STK32A: variants seen among roughly 807,000 people sequenced by gnomAD.
STK32A encodes the protein serine/threonine-protein kinase 32A.
In STK32A, 41 loss-of-function variants were observed where a neutral mutation model predicts 53.2. The ratio of observed to expected loss-of-function variants is 0.77; its 90% CI spans 0.60 to 1.00. STK32A has a LOEUF of 1.00. STK32A is among the 50% of genes least tolerant of loss of function. The pLI is 0.00. For missense variants in STK32A, 458 were observed against 485.8 expected, an observed-to-expected ratio of 0.94 and a Z score of 0.54; for synonymous variants, 166 against 162.8, an observed-to-expected ratio of 1.02 and a Z score of -0.15.
At chr5:147,273,902 T>C (rs1247855987) in intron 2 of STK32A, among the ~76,000 whole-genome samples, 1 of 152,032 alleles carries the variant, frequency 6.6e-6, no homozygotes, top group Non-Finnish European at 1.5e-5. Flanking sequence ...CTCAACTGTA[T>C]ACACTATAAG....
At chr5:147,358,570 T>C (rs1202563997) in intron 7 of STK32A, among the ~76,000 whole-genome samples, 1 of 152,156 alleles carries the variant, frequency 6.6e-6, no homozygotes, top group East Asian at 1.9e-4. Context: ...AATTACAGTA[T>C]ATTCATATAG....
At chr5:147,395,628 C>G in the STK32A span, 1 of 1,614,122 alleles carries the variant, frequency 6.2e-7, no homozygotes, top group Non-Finnish European at 8.5e-7. Context: ...GAGCCCCGAG[C>G]AGAGCCTGCG....
chr5:147,350,101 C>T (rs1229052845), intron 6 of STK32A, among the ~76,000 whole-genome samples: 2 of 150,808 alleles, frequency 1.3e-5, no homozygotes, highest in Non-Finnish European at 3.0e-5. Context: ...CAGAGTGAGA[C>T]TCCACTTCAA....
At chr5:147,395,742 G>A in the STK32A span, 1 of 1,612,508 alleles carries the variant, frequency 6.2e-7, no homozygotes, top group Non-Finnish European at 8.5e-7. Context: ...AGAAGAGCAT[G>A]TCACCATTCA....
At chr5:147,356,337 G>A (rs926208157) in intron 7 of STK32A, among the ~76,000 whole-genome samples, 14 of 152,226 alleles carry the variant, frequency 9.2e-5, no homozygotes, top group Non-Finnish European at 1.8e-4. Context: ...AGTTCTGTGA[G>A]GCCACTACTA....
At chr5:147,279,435 C>CCTGTTAT in intron 4 of STK32A, 37 bp downstream of exon 4, 1 of 1,538,780 alleles carries the variant, frequency 6.5e-7, no homozygotes, top group Non-Finnish European at 8.8e-7. Flanking sequence ...TAGAGACACT[C>CCTGTTAT]CTGTTATCGG....
chr5:147,283,115 A>T (rs1359226584), intron 4 of STK32A, among the ~76,000 whole-genome samples: 1 of 152,204 alleles, frequency 6.6e-6, no homozygotes, highest in Non-Finnish European at 1.5e-5. Context: ...ACAGTGGAAT[A>T]AAACTGGAAA....
chr5:147,397,053 ATATT>A, the STK32A span, among the ~76,000 whole-genome samples: 5 of 147,868 alleles, frequency 3.4e-5, no homozygotes, highest in African/African-American at 1.2e-4. Context: ...ATATTATTCT[ATATT>A]TATATATTAA....
intron 2 of STK32A, among the ~76,000 whole-genome samples, chr5:147,249,683 G>A (rs1468814350): frequency 2.0e-5 from 3 of 151,784 alleles, no homozygotes; most frequent in East Asian, 1.9e-4. Context: ...GAGGCCGAGG[G>A]GGGTGGATCG....
At chr5:147,241,860 A>G (rs1462903581) in intron 2 of STK32A, among the ~76,000 whole-genome samples, 1 of 152,156 alleles carries the variant, frequency 6.6e-6, no homozygotes, top group East Asian at 1.9e-4. Context: ...TGGAAAAGAG[A>G]GGCCAGCTGC....
At chr5:147,266,489 A>G (rs1754818107) in intron 2 of STK32A, among the ~76,000 whole-genome samples, 1 of 152,212 alleles carries the variant, frequency 6.6e-6, no homozygotes, top group African/African-American at 2.4e-5. Flanking sequence ...AGGAAAATAG[A>G]AAAATTTTCC....
At chr5:147,368,621 T>C (rs1756874657) in intron 8 of STK32A, among the ~76,000 whole-genome samples, 1 of 152,124 alleles carries the variant, frequency 6.6e-6, no homozygotes, top group Non-Finnish European at 1.5e-5. Context: ...GGTAAATAAA[T>C]AAATATACAA....
chr5:147,332,270 C>T (rs1754906955), intron 5 of STK32A, among the ~76,000 whole-genome samples: 1 of 151,430 alleles, frequency 6.6e-6, no homozygotes, highest in Admixed American at 6.6e-5. Context: ...ATAGGGTAAC[C>T]TATTTTAATG....
rs185286369 is a variant in STK32A, at chr5:147,262,415, T to G, written c.53-15709T>G. Among the ~76,000 whole-genome samples, 42 of 151,500 alleles carry G rather than the reference T, an allele frequency of 2.8e-4. No individual in the cohort carries two copies. The East Asian group carries it at 7.2e-3, about 26-fold the overall frequency. On this transcript the variant is annotated intron_variant, in intron 2 of 12. Coordinates refer to ENST00000397936, the MANE Select transcript of STK32A (RefSeq NM_001112724.2). ...ACAAAGCCAGTGAATGATAAAGGGA[T>G]TGGTACCTCTGGCTCCTATAGTTAG...
At chr5:147,253,009 C>T (rs1037114501) in intron 2 of STK32A, among the ~76,000 whole-genome samples, 1 of 152,144 alleles carries the variant, frequency 6.6e-6, no homozygotes, top group Non-Finnish European at 1.5e-5. Context: ...TTTGTATCCT[C>T]ATTTTCACCA....
intron 7 of STK32A, among the ~76,000 whole-genome samples, chr5:147,361,049 T>G (rs945651618): frequency 5.9e-5 from 9 of 152,208 alleles, no homozygotes; most frequent in East Asian, 1.9e-4. Flanking sequence ...CTGCAAGTGC[T>G]TCCCTTGCTG....
chr5:147,390,033 A>G (rs1055352013), downstream of STK32A, among the ~76,000 whole-genome samples: 1 of 152,174 alleles, frequency 6.6e-6, no homozygotes, highest in East Asian at 1.9e-4. Flanking sequence ...CAGACTTTAA[A>G]ATTCCACTTT....
chr5:147,296,635 T>C (rs753517905), intron 4 of STK32A, among the ~76,000 whole-genome samples: 1 of 152,190 alleles, frequency 6.6e-6, no homozygotes, highest in African/African-American at 2.4e-5. Context: ...TCCTGAGATC[T>C]TATCAGGAAC....
At chr5:147,340,263 T>C (rs983518768) in intron 5 of STK32A, among the ~76,000 whole-genome samples, 1 of 152,216 alleles carries the variant, frequency 6.6e-6, no homozygotes, top group African/African-American at 2.4e-5. Context: ...ACTAAATTCC[T>C]ATCTCACCTA....
Sources: allele counts gnomAD v4.1 joint callset (sites outside exome capture counted in the v4.1 genomes callset), GRCh38; gene constraint gnomAD v4.1.1; transcripts MANE v1.5; gene names NCBI Gene and HGNC (gene_info 2026-07-23, HGNC 2026-07-21).